The following RBFOX1 variants were observed in gnomAD, a reference collection of about 807,000 sequenced individuals.
RBFOX1 encodes RNA binding fox-1 homolog 1, also known as RNA binding protein fox-1 homolog 1.
In RBFOX1, 8 loss-of-function variants were observed where a neutral mutation model predicts 57.7. The ratio of observed to expected loss-of-function variants is 0.14; its 90% confidence interval spans 0.08 to 0.25. The LOEUF (loss-of-function observed/expected upper bound fraction) is 0.25. RBFOX1 is among the 10% of genes least tolerant of loss of function. The pLI is 1.00. For synonymous variants in RBFOX1, 326 were observed against 222.4 expected (o/e 1.47, Z -4.15); for missense variants, 611 against 548.5 (o/e 1.11, Z -1.14).
At chr16:5,498,325 G>A (rs529688286) in intron 2 of RBFOX1, among the ~76,000 whole-genome samples, 3 of 152,170 alleles carry the variant, frequency 2.0e-5, no homozygotes, top group East Asian at 1.9e-4. Context: ...TGTATTTTTA[G>A]TAGAGACAGG....
intron 2 of RBFOX1, among the ~76,000 whole-genome samples, chr16:6,566,211 T>C (rs1051327536): frequency 1.7e-4 from 26 of 152,294 alleles, no homozygotes; most frequent in African/African-American, 5.8e-4. Context: ...AGGAGAAACA[T>C]AATTTTTTGG....
intron 4 of RBFOX1, among the ~76,000 whole-genome samples, chr16:5,877,321 AAC>A (rs1161562726): frequency 1.3e-5 from 2 of 152,226 alleles, no homozygotes; most frequent in Non-Finnish European, 1.5e-5. Flanking sequence ...AAATGAATGA[AAC>A]ACTTTTTTCT....
At chr16:6,625,392 A>C (rs186160103) in intron 2 of RBFOX1, among the ~76,000 whole-genome samples, 45 of 152,270 alleles carry the variant, frequency 3.0e-4, no homozygotes, top group African/African-American at 1.1e-3. Context: ...TCAGTGAATG[A>C]CTGCATAGAT....
intron 4 of RBFOX1, among the ~76,000 whole-genome samples, chr16:7,317,144 T>C (rs1269899849): frequency 6.6e-6 from 1 of 152,044 alleles, no homozygotes; most frequent in African/African-American, 2.4e-5. Flanking sequence ...GCGATACTAC[T>C]GGTGCAAGCT....
At chr16:5,819,387 C>G (rs893111741) in intron 3 of RBFOX1, among the ~76,000 whole-genome samples, 2 of 152,192 alleles carry the variant, frequency 1.3e-5, no homozygotes, top group African/African-American at 4.8e-5. Flanking sequence ...GACCACAGCA[C>G]CTGGGAGGTT....
chr16:5,502,667 A>C (rs2043240002), intron 2 of RBFOX1, among the ~76,000 whole-genome samples: 1 of 152,168 alleles, frequency 6.6e-6, no homozygotes, highest in Non-Finnish European at 1.5e-5. Flanking sequence ...TGGGAGTCGA[A>C]GGGGTTAGAA....
intron 4 of RBFOX1, among the ~76,000 whole-genome samples, chr16:7,236,399 A>C (rs1021890146): frequency 3.9e-5 from 6 of 152,126 alleles, no homozygotes; most frequent in Non-Finnish European, 8.8e-5. Context: ...CCCTCTTTTA[A>C]GGTATTGTCA....
At chr16:6,081,637 C>T (rs770236438) in intron 1 of RBFOX1, among the ~76,000 whole-genome samples, 10 of 152,252 alleles carry the variant, frequency 6.6e-5, no homozygotes, top group Non-Finnish European at 1.2e-4. Flanking sequence ...GGGTTCCTAG[C>T]TTCATGTGAG....
intron 4 of RBFOX1, among the ~76,000 whole-genome samples, chr16:7,285,301 A>G (rs1034229890): frequency 2.0e-5 from 3 of 152,020 alleles, no homozygotes; most frequent in Admixed American, 2.0e-4. Flanking sequence ...ATTAAAGTAC[A>G]GTGATCACAT....
At chr16:6,678,095 C>T (rs116840411) in intron 3 of RBFOX1, among the ~76,000 whole-genome samples, 2,456 of 152,282 alleles carry the variant, frequency 0.016, 76 homozygotes, top group African/African-American at 0.056. Flanking sequence ...GTATTCTCAT[C>T]ATCTACTTAA....
intron 4 of RBFOX1, among the ~76,000 whole-genome samples, chr16:7,168,349 T>C (rs1412539792): frequency 6.6e-6 from 1 of 152,118 alleles, no homozygotes; most frequent in Non-Finnish European, 1.5e-5. Flanking sequence ...CCTTGTCTGA[T>C]ATGTGCTAGG....
chr16:7,269,273 A>G (rs2153105787), intron 4 of RBFOX1, among the ~76,000 whole-genome samples: 1 of 152,076 alleles, frequency 6.6e-6, no homozygotes, highest in Admixed American at 6.6e-5. Context: ...ACACACCTAC[A>G]CCCCTTTTAA....
At chr16:7,231,385 T>A (rs932522089) in intron 4 of RBFOX1, among the ~76,000 whole-genome samples, 16 of 152,166 alleles carry the variant, frequency 1.1e-4, no homozygotes, top group African/African-American at 3.9e-4. Context: ...GGGTTCATGA[T>A]GAGGGAGTAT....
At chr16:6,950,531 G>C (rs943245851) in intron 3 of RBFOX1, among the ~76,000 whole-genome samples, 1 of 152,136 alleles carries the variant, frequency 6.6e-6, no homozygotes, top group Admixed American at 6.5e-5. Context: ...ATTGCATTTG[G>C]CCATTATTTC....
At chr16:5,943,592 G>T (rs2059325886) in intron 4 of RBFOX1, among the ~76,000 whole-genome samples, 1 of 152,162 alleles carries the variant, frequency 6.6e-6, no homozygotes, top group South Asian at 2.1e-4. Context: ...AACTCTTTGG[G>T]TCAACTTGGC....
intron 3 of RBFOX1, among the ~76,000 whole-genome samples, chr16:5,611,655 C>T (rs901884965): frequency 7.2e-5 from 11 of 151,984 alleles, no homozygotes; most frequent in African/African-American, 2.4e-4. Flanking sequence ...CCTATCCATC[C>T]CTCCATCTAC....
intron 2 of RBFOX1, among the ~76,000 whole-genome samples, chr16:6,611,989 C>A (rs1453730729): frequency 6.7e-6 from 1 of 149,944 alleles, no homozygotes; most frequent in Non-Finnish European, 1.5e-5. Context: ...CCTCTCAGAT[C>A]TCCCGAGTCC....
intron 3 of RBFOX1, among the ~76,000 whole-genome samples, chr16:6,937,747 G>A (rs1714410135): frequency 6.6e-6 from 1 of 152,094 alleles, no homozygotes; most frequent in African/African-American, 2.4e-5. Flanking sequence ...AAGGGGTTGT[G>A]GAGACCAAAG....
intron 3 of RBFOX1, among the ~76,000 whole-genome samples, chr16:5,674,983 C>T (rs899615249): frequency 1.1e-4 from 17 of 151,908 alleles, no homozygotes; most frequent in African/African-American, 1.7e-4. Flanking sequence ...CGCGTCTCTC[C>T]GAAAAATTTT....
Sources: gnomAD v4.1 joint callset for allele counts (sites outside exome capture counted in the v4.1 genomes callset) on GRCh38, gnomAD v4.1.1 for gene constraint, MANE v1.5 for transcripts, NCBI Gene and HGNC (gene_info 2026-07-23, HGNC 2026-07-21) for gene names.